Variants in TRAPPC8 observed in about 807,000 individuals in gnomAD.
TRAPPC8 encodes general sporulation gene 1 homolog.
Under a neutral mutation model 174.3 loss-of-function variants are expected in TRAPPC8, and 54 were observed. The observed-to-expected ratio is 0.31, with a 90% CI of 0.25 to 0.39. The LOEUF (loss-of-function observed/expected upper bound fraction) is 0.39, where lower values mean the gene tolerates loss of function less well. Ranked by LOEUF, TRAPPC8 falls within the 10% of genes least tolerant of loss-of-function variation. The pLI is 1.00. For synonymous variants in TRAPPC8, 630 were observed against 579.9 expected (o/e 1.09, Z -1.24); for missense variants, 1,531 against 1,699.1 (o/e 0.90, Z 1.74).
At chr18:31,920,732 G>A (rs959996324) in intron 2 of TRAPPC8, among the ~76,000 whole-genome samples, 1 of 152,052 alleles carries the variant, frequency 6.6e-6, no homozygotes, top group African/African-American at 2.4e-5. Flanking sequence ...CTGACGTCAG[G>A]AGTTCGAAAT....
chr18:31,907,229 T>C (rs2036699128), intron 9 of TRAPPC8, among the ~76,000 whole-genome samples: 1 of 152,180 alleles, frequency 6.6e-6, no homozygotes, highest in Non-Finnish European at 1.5e-5. Context: ...GCAATTCTAC[T>C]GCCTCAGCCT....
intron 9 of TRAPPC8, among the ~76,000 whole-genome samples, chr18:31,905,965 A>C (rs532185728): frequency 6.6e-5 from 10 of 152,172 alleles, no homozygotes; most frequent in Non-Finnish European, 1.3e-4. Flanking sequence ...ATATTAGCTT[A>C]AATTGGATGA....
At chr18:31,842,518 G>C (rs931280473) in intron 26 of TRAPPC8, among the ~76,000 whole-genome samples, 1 of 152,158 alleles carries the variant, frequency 6.6e-6, no homozygotes, top group African/African-American at 2.4e-5. Context: ...ATACTAATGT[G>C]GGTAAGCAGA....
chr18:31,870,658 G>A (rs371517728), intron 15 of TRAPPC8, among the ~76,000 whole-genome samples, 156 bp from the exon 16 acceptor site: 6 of 152,286 alleles, frequency 3.9e-5, no homozygotes, highest in South Asian at 4.1e-4. Flanking sequence ...GGATTCTGTT[G>A]TAATACTACA....
intron 25 of TRAPPC8, among the ~76,000 whole-genome samples, chr18:31,847,905 G>A (rs964546528): frequency 1.3e-5 from 2 of 151,980 alleles, no homozygotes; most frequent in Admixed American, 6.6e-5. Context: ...AGTTGTTTAG[G>A]AGTTGTATTA....
At chr18:31,926,225 T>C (rs1037162735) in intron 2 of TRAPPC8, among the ~76,000 whole-genome samples, 1 of 152,208 alleles carries the variant, frequency 6.6e-6, no homozygotes, top group Non-Finnish European at 1.5e-5. Flanking sequence ...TATTTATGCA[T>C]GGAGACCCTT....
chr18:31,839,291 T>G, intron 27 of TRAPPC8, 21 bp downstream of exon 27: 1 of 1,584,178 alleles, frequency 6.3e-7, no homozygotes, highest in Non-Finnish European at 8.6e-7. Context: ...AAAATTTTGG[T>G]AACAAAAATA....
intron 12 of TRAPPC8, among the ~76,000 whole-genome samples, chr18:31,880,727 G>C (rs2035409214): frequency 6.6e-6 from 1 of 152,084 alleles, no homozygotes; most frequent in African/African-American, 2.4e-5. Flanking sequence ...TTTGTTCAAT[G>C]ATGACAAGAT....
At chr18:31,881,015 A>C (rs1598660604) in intron 12 of TRAPPC8, among the ~76,000 whole-genome samples, 1 of 152,130 alleles carries the variant, frequency 6.6e-6, no homozygotes. Flanking sequence ...GAACAAAAAA[A>C]ACCCACGCTC....
intron 19 of TRAPPC8, among the ~76,000 whole-genome samples, chr18:31,862,225 G>A (rs1481918091): frequency 6.6e-6 from 1 of 151,930 alleles, no homozygotes; most frequent in African/African-American, 2.4e-5. Flanking sequence ...CTTTACCAAT[G>A]CAATTCTAAT....
At position 31,870,446 on chromosome 18, in the gene TRAPPC8, T is replaced by C; in HGVS notation, c.2314A>G (p.Thr772Ala). 1 of 1,612,930 alleles carries C rather than the reference T, an allele frequency of 6.2e-7. No individual in the cohort carries two copies. Among genetic ancestry groups the C allele is most frequent in the Non-Finnish European group, 8.5e-7 (1 of 1,179,400 alleles). The change falls in exon 16 of 29, where the codon ACT (threonine) becomes GCT (alanine). Residue 772 changes from threonine (T) to alanine (A), a missense_variant. Transcript: ENST00000283351. ...RNPLKVLLLL[T>A]DLSLLWKFHP... ...AACTTCCAAAGCAATGACAAATCAG[T>C]CAACAAAAGTAGAACTTTCAAAGGG...
chr18:31,847,764 T>C (rs116731636), intron 25 of TRAPPC8, among the ~76,000 whole-genome samples: 420 of 152,270 alleles, frequency 2.8e-3, no homozygotes, highest in African/African-American at 8.3e-3. Context: ...GTCTGAGACT[T>C]GTCAGATGTC....
At chr18:31,880,090 A>AAAAAAATATATATAT (rs1259899654) in intron 12 of TRAPPC8, among the ~76,000 whole-genome samples, 2 of 85,354 alleles carry the variant, frequency 2.3e-5, no homozygotes, top group African/African-American at 1.0e-4. Flanking sequence ...TGAAAAAAAA[A>AAAAAAATATATATAT]ATATATATAT....
chr18:31,857,961 T>A lies in TRAPPC8; in HGVS notation c.2767A>T (p.Thr923Ser). 6.2e-7 allele frequency: 1 copy of A among 1,609,798 alleles called. No individual in the cohort carries two copies. Among genetic ancestry groups the A allele is most frequent in the Non-Finnish European group, 8.5e-7 (1 of 1,178,248 alleles). The change falls in exon 20 of 29, where the codon ACA becomes TCA. Residue 923 changes from threonine (T) to serine (S), a missense_variant. Physicochemically the swap from Thr to Ser is moderately conservative, Grantham distance 58. Coordinates refer to ENST00000283351, the MANE Select transcript of TRAPPC8 (RefSeq NM_014939.5). ...LLEVFFIHFP[T>S]GLLCGEIRKA... Reference sequence around the variant, plus strand: ...CGGATTTCTCCACAGAGAAGCCCTGTAGGAAAATGTATAAAGAACACCTGC... The same window carrying A: ...CGGATTTCTCCACAGAGAAGCCCTGAAGGAAAATGTATAAAGAACACCTGC...
intron 15 of TRAPPC8, 31 bp from the exon 16 acceptor site, chr18:31,870,533 TTAA>T (rs1163359488): frequency 6.3e-7 from 1 of 1,582,114 alleles, no homozygotes; most frequent in South Asian, 1.2e-5. Flanking sequence ...ATTAATAACT[TTAA>T]TAAACATCAC....
At chr18:31,896,184 C>T (rs1230007448) in intron 11 of TRAPPC8, 2 of 152,056 alleles carry the variant, frequency 1.3e-5, no homozygotes, top group Non-Finnish European at 2.9e-5. Flanking sequence ...CTGAAGTACA[C>T]AACTGGTATC....
chr18:31,916,052 G>A (rs377014644), intron 4 of TRAPPC8, among the ~76,000 whole-genome samples: 6 of 126,686 alleles, frequency 4.7e-5, no homozygotes, highest in Admixed American at 3.3e-4. Flanking sequence ...GCAAGACCTC[G>A]TCTCAAAAAA....
intron 2 of TRAPPC8, among the ~76,000 whole-genome samples, chr18:31,924,738 CAA>C (rs398032376): frequency 6.5e-5 from 6 of 91,890 alleles, no homozygotes; most frequent in East Asian, 2.7e-4. Context: ...AACTCCGTCT[CAA>C]AAAAAAAAAA....
intron 26 of TRAPPC8, among the ~76,000 whole-genome samples, chr18:31,839,980 A>T (rs2032999463): frequency 6.6e-6 from 1 of 152,216 alleles, no homozygotes. Flanking sequence ...TACACTAGCT[A>T]AAGGTTAAAA....
Sources: allele counts gnomAD v4.1 joint callset (sites outside exome capture counted in the v4.1 genomes callset), GRCh38; gene constraint gnomAD v4.1.1; transcripts MANE v1.5; gene names NCBI Gene and HGNC (gene_info 2026-07-23, HGNC 2026-07-21).